The following RAB38 variants were observed in gnomAD, a reference collection of about 807,000 sequenced individuals.
RAB38 encodes ras-related protein Rab-38.
In RAB38, 15 loss-of-function variants were observed where a neutral mutation model predicts 18.4. The observed-to-expected ratio is 0.82, with a 90% confidence interval of 0.55 to 1.26. RAB38 has a LOEUF of 1.26. Among genes scored for constraint, RAB38 ranks in the 50% most tolerant of loss-of-function variants. RAB38 has a pLI of 0.00. For synonymous variants in RAB38, 101 were observed against 104.4 expected (o/e 0.97, Z 0.20); for missense variants, 294 against 267.4 (o/e 1.10, Z -0.69).
At chr11:88,047,276 C>T in the RAB38 span, among the ~76,000 whole-genome samples, 5 of 152,218 alleles carry the variant, frequency 3.3e-5, no homozygotes, top group Admixed American at 3.3e-4. Flanking sequence ...TGATACCACA[C>T]CTGACTCCCA....
chr11:87,862,637 G>A, the RAB38 span, among the ~76,000 whole-genome samples: 1 of 151,676 alleles, frequency 6.6e-6, no homozygotes, highest in African/African-American at 2.4e-5. Context: ...TAACAAACCT[G>A]CACTTGTACC....
chr11:88,134,792 G>T (rs1179669377), intron 2 of RAB38, among the ~76,000 whole-genome samples: 1 of 152,136 alleles, frequency 6.6e-6, no homozygotes, highest in Non-Finnish European at 1.5e-5. Flanking sequence ...CGATCCTTTA[G>T]ATCAAATTAT....
the RAB38 span, among the ~76,000 whole-genome samples, chr11:87,908,797 C>T: frequency 6.6e-6 from 1 of 151,990 alleles, no homozygotes; most frequent in South Asian, 2.1e-4. Context: ...TTCTTACCTT[C>T]CTGTTTCCTG....
At chr11:87,831,789 G>A in the RAB38 span, among the ~76,000 whole-genome samples, 3 of 152,256 alleles carry the variant, frequency 2.0e-5, no homozygotes, top group Non-Finnish European at 4.4e-5. Flanking sequence ...TGCTTTCAAA[G>A]ACATAATCTT....
chr11:88,074,484 T>C, the RAB38 span, among the ~76,000 whole-genome samples: 1 of 152,180 alleles, frequency 6.6e-6, no homozygotes, highest in African/African-American at 2.4e-5. Context: ...TCTCTTTAAA[T>C]AACTTGCTAT....
At chr11:88,152,938 C>G (rs1374771501) in intron 1 of RAB38, among the ~76,000 whole-genome samples, 1 of 152,216 alleles carries the variant, frequency 6.6e-6, no homozygotes, top group Non-Finnish European at 1.5e-5. Context: ...TGAAAATAAT[C>G]CACTTCCACA....
the RAB38 span, among the ~76,000 whole-genome samples, chr11:87,932,515 A>C: frequency 1.3e-5 from 2 of 152,052 alleles, no homozygotes; most frequent in African/African-American, 2.4e-5. Context: ...GTTTCCTTCT[A>C]TCATCTCACC....
the RAB38 span, among the ~76,000 whole-genome samples, chr11:88,040,123 T>C: frequency 6.6e-6 from 1 of 152,176 alleles, no homozygotes; most frequent in Non-Finnish European, 1.5e-5. Context: ...TCTACAACCT[T>C]TGCTGTGTTA....
chr11:88,019,436 G>T, the RAB38 span, among the ~76,000 whole-genome samples: 1 of 152,068 alleles, frequency 6.6e-6, no homozygotes, highest in Non-Finnish European at 1.5e-5. Flanking sequence ...AGGCATAATG[G>T]TTGCCAGGAC....
At chr11:87,922,327 A>G in the RAB38 span, among the ~76,000 whole-genome samples, 1 of 152,160 alleles carries the variant, frequency 6.6e-6, no homozygotes, top group South Asian at 2.1e-4. Context: ...TCTTTATTTC[A>G]CATTTATTAA....
chr11:88,042,141 A>G, the RAB38 span, among the ~76,000 whole-genome samples: 1 of 150,396 alleles, frequency 6.6e-6, no homozygotes, highest in African/African-American at 2.4e-5. Flanking sequence ...TCCTCTGAAG[A>G]AAAAAAAAAT....
intron 2 of RAB38, among the ~76,000 whole-genome samples, chr11:88,134,158 A>G (rs956427990): frequency 2.6e-5 from 4 of 152,180 alleles, no homozygotes; most frequent in African/African-American, 7.2e-5. Context: ...AGACTTTAAC[A>G]TACAAAAAAA....
intron 2 of RAB38, among the ~76,000 whole-genome samples, chr11:88,132,606 C>T (rs148747646): frequency 0.019 from 2,836 of 152,140 alleles, 88 homozygotes; most frequent in African/African-American, 0.065. Context: ...TACAAGCATG[C>T]GCCACCATGC....
the RAB38 span, among the ~76,000 whole-genome samples, chr11:87,892,070 ATG>A: frequency 6.6e-6 from 1 of 151,782 alleles, no homozygotes; most frequent in Non-Finnish European, 1.5e-5. Flanking sequence ...TTGATGAGGA[ATG>A]TGTGAGTGAA....
chr11:87,905,201 A>T, the RAB38 span, among the ~76,000 whole-genome samples: 2 of 151,772 alleles, frequency 1.3e-5, no homozygotes, highest in African/African-American at 4.8e-5. Flanking sequence ...TATTTTCAAT[A>T]TAAAAATTTT....
chr11:87,916,065 CTTTTA>C, the RAB38 span, among the ~76,000 whole-genome samples: 4 of 152,084 alleles, frequency 2.6e-5, no homozygotes, highest in Non-Finnish European at 5.9e-5. Context: ...AAGTAAATAA[CTTTTA>C]TTTTACACTC....
the RAB38 span, among the ~76,000 whole-genome samples, chr11:87,821,334 G>T: frequency 3.3e-5 from 5 of 152,140 alleles, no homozygotes; most frequent in Non-Finnish European, 5.9e-5. Context: ...GAAAATAACT[G>T]TTGGCCTAGA....
chr11:87,837,663 TG>T, the RAB38 span, among the ~76,000 whole-genome samples: 11,226 of 152,226 alleles, frequency 0.074, 610 homozygotes, highest in African/African-American at 0.16. Context: ...AGCATCATTT[TG>T]CTTATTTTAT....
At chr11:88,166,187 T>C (rs1258607428) in intron 1 of RAB38, 1 of 152,094 alleles carries the variant, frequency 6.6e-6, no homozygotes, top group Admixed American at 6.6e-5. Context: ...GGTTGAAATT[T>C]AGACCTCATC....
Sources: allele counts gnomAD v4.1 joint callset (sites outside exome capture counted in the v4.1 genomes callset), GRCh38; gene constraint gnomAD v4.1.1; transcripts MANE v1.5; gene names NCBI Gene and HGNC (gene_info 2026-07-23, HGNC 2026-07-21).